Variants in ENOX1 observed in about 807,000 individuals in gnomAD.
ENOX1 encodes candidate growth-related and time keeping constitutive hydroquinone (NADH) oxidase.
In ENOX1, 42 loss-of-function variants were observed where a neutral mutation model predicts 82.5. The observed-to-expected ratio is 0.51, with a 90% CI of 0.40 to 0.66. ENOX1 has a LOEUF of 0.66. Ranked by LOEUF, ENOX1 falls within the 30% of genes least tolerant of loss-of-function variation. The probability of loss-of-function intolerance (pLI) is 0.00; values close to 1 mark genes in which losing one functional copy is unlikely to be tolerated. For synonymous variants in ENOX1, 271 were observed against 282.2 expected, an observed-to-expected ratio of 0.96 and a Z score of 0.40; for missense variants, 608 against 811.6, an observed-to-expected ratio of 0.75 and a Z score of 3.05.
At chr13:43,384,129 T>A (rs1594252451) in intron 5 of ENOX1, among the ~76,000 whole-genome samples, 1 of 152,204 alleles carries the variant, frequency 6.6e-6, no homozygotes, top group East Asian at 1.9e-4. Context: ...ACAGCACTGA[T>A]TTCACTGGGT....
chr13:43,523,077 A>G (rs2077840107), intron 2 of ENOX1, among the ~76,000 whole-genome samples: 1 of 152,168 alleles, frequency 6.6e-6, no homozygotes, highest in Admixed American at 6.5e-5. Flanking sequence ...AAAGTTCAAT[A>G]GTAATTCCTG....
intron 1 of ENOX1, among the ~76,000 whole-genome samples, chr13:43,769,905 G>A (rs893645754): frequency 3.3e-5 from 5 of 152,300 alleles, no homozygotes; most frequent in Admixed American, 1.3e-4. Context: ...GGATATCAAC[G>A]CCTAACTGGC....
At chr13:43,690,776 G>GCA (rs1423807372) in intron 1 of ENOX1, among the ~76,000 whole-genome samples, 2 of 152,148 alleles carry the variant, frequency 1.3e-5, no homozygotes, top group Non-Finnish European at 2.9e-5. Flanking sequence ...CATCTGCAAA[G>GCA]CACATCTAGA....
intron 2 of ENOX1, among the ~76,000 whole-genome samples, chr13:43,499,708 T>C (rs968470157): frequency 2.0e-5 from 3 of 151,662 alleles, no homozygotes; most frequent in African/African-American, 7.3e-5. Flanking sequence ...TCACAAAGAA[T>C]CAGGAAAATG....
At chr13:43,255,468 A>C (rs1369396730) in intron 14 of ENOX1, among the ~76,000 whole-genome samples, 1 of 152,162 alleles carries the variant, frequency 6.6e-6, no homozygotes, top group Non-Finnish European at 1.5e-5. Context: ...AGAGCATCCA[A>C]ATTGGATGGA....
chr13:43,429,034 T>C (rs2055501409), intron 3 of ENOX1, among the ~76,000 whole-genome samples: 2 of 152,190 alleles, frequency 1.3e-5, no homozygotes, highest in South Asian at 4.1e-4. Context: ...CCCTGAGAAC[T>C]GATCTGGGCA....
At chr13:43,588,117 T>A (rs1419195928) in intron 2 of ENOX1, among the ~76,000 whole-genome samples, 1 of 152,210 alleles carries the variant, frequency 6.6e-6, no homozygotes, top group Non-Finnish European at 1.5e-5. Context: ...CCTTAAAAAA[T>A]TTCAGTCCAG....
Position 43,638,008 on chromosome 13 carries a change from CA to C in ENOX1, c.-219+29470del, listed in dbSNP as rs149371912. 9.1e-3 allele frequency among the ~76,000 whole-genome samples: 1,388 copies of C among 152,252 alleles called. 25 individuals are homozygous for C. Among genetic ancestry groups the C allele is most frequent in the African/African-American group, 0.032 (1,323 of 41,542 alleles). On this transcript the variant is annotated intron_variant, in intron 2 of 16. Transcript: ENST00000690772. ...AGGGTCCGAGAGCACCTCTAACTTA[CA>C]AAAGTACAACCCACTTTGTTCAACA...
chr13:43,695,445 T>A (rs79364395), intron 1 of ENOX1, among the ~76,000 whole-genome samples: 3 of 862 alleles, frequency 3.5e-3, no homozygotes, highest in Non-Finnish European at 0.02. Context: ...AAATCTAATT[T>A]TTTTTTTTTT....
intron 3 of ENOX1, among the ~76,000 whole-genome samples, chr13:43,432,063 A>G (rs1282368494): frequency 6.6e-6 from 1 of 152,082 alleles, no homozygotes; most frequent in Admixed American, 6.5e-5. Context: ...AGAAATCACA[A>G]TAAAGGCGCT....
At chr13:43,246,130 G>A (rs2153464452) in intron 14 of ENOX1, among the ~76,000 whole-genome samples, 1 of 152,314 alleles carries the variant, frequency 6.6e-6, no homozygotes, top group South Asian at 2.1e-4. Flanking sequence ...AGTGTTATAA[G>A]CACTTGACAA....
intron 5 of ENOX1, among the ~76,000 whole-genome samples, chr13:43,375,103 A>C (rs2051526342): frequency 6.6e-6 from 1 of 152,120 alleles, no homozygotes; most frequent in Admixed American, 6.5e-5. Flanking sequence ...TATAGTCAGC[A>C]TTTTTTCCTA....
chr13:43,779,058 T>C (rs189634014), intron 1 of ENOX1, among the ~76,000 whole-genome samples: 1 of 151,970 alleles, frequency 6.6e-6, no homozygotes, highest in Non-Finnish European at 1.5e-5. Flanking sequence ...CAACTCCTCC[T>C]CCATCAATCC....
chr13:43,711,134 T>G, intron 1 of ENOX1, among the ~76,000 whole-genome samples: 1 of 144,392 alleles, frequency 6.9e-6, no homozygotes, highest in Non-Finnish European at 1.5e-5. Context: ...GTGTTCTCAT[T>G]GTTCAATTCC....
chr13:43,783,035 G>A (rs2153854864), intron 1 of ENOX1, among the ~76,000 whole-genome samples: 1 of 152,330 alleles, frequency 6.6e-6, no homozygotes, highest in Non-Finnish European at 1.5e-5. Flanking sequence ...TTGTAGGATA[G>A]GAGATTGTAA....
chr13:43,736,633 G>A (rs2089647774), intron 1 of ENOX1, among the ~76,000 whole-genome samples: 3 of 152,052 alleles, frequency 2.0e-5, no homozygotes, highest in Admixed American at 2.0e-4. Context: ...CCGCAGTATG[G>A]CCCTCTAGAC....
At chr13:43,472,591 A>T (rs1254888997) in intron 3 of ENOX1, among the ~76,000 whole-genome samples, 2 of 152,222 alleles carry the variant, frequency 1.3e-5, no homozygotes, top group Non-Finnish European at 2.9e-5. Flanking sequence ...TTGGAGACGA[A>T]GCATAAAAGG....
At chr13:43,619,387 G>A (rs936269840) in intron 2 of ENOX1, among the ~76,000 whole-genome samples, 3 of 152,074 alleles carry the variant, frequency 2.0e-5, no homozygotes, top group African/African-American at 7.2e-5. Context: ...CTGTGGGTAC[G>A]TCTTAGATGG....
At chr13:43,531,746 A>G (rs1310401942) in intron 2 of ENOX1, among the ~76,000 whole-genome samples, 1 of 149,474 alleles carries the variant, frequency 6.7e-6, no homozygotes, top group African/African-American at 2.5e-5. Context: ...ATGCAGCCAT[A>G]AAAAATGATG....
Sources: gnomAD v4.1 joint callset for allele counts (sites outside exome capture counted in the v4.1 genomes callset) on GRCh38, gnomAD v4.1.1 for gene constraint, MANE v1.5 for transcripts, NCBI Gene and HGNC (gene_info 2026-07-23, HGNC 2026-07-21) for gene names.